Variants in GEN1 observed in about 807,000 individuals in gnomAD.
GEN1 encodes the protein GEN1 structure-specific endonuclease.
In GEN1, 64 loss-of-function variants were observed where a neutral mutation model predicts 67.6. That is an observed-to-expected ratio of 0.95 (90% CI 0.77 to 1.17). GEN1 has a LOEUF of 1.17. Among genes scored for constraint, GEN1 ranks in the 50% most tolerant of loss-of-function variants. GEN1 has a pLI of 0.00. For missense variants in GEN1, 1,058 were observed against 1,048.3 expected (o/e 1.01, Z -0.13); for synonymous variants, 371 against 359.4 (o/e 1.03, Z -0.37).
In GEN1 at chr2:17,774,363, G is replaced by A; in HGVS notation, c.1164G>A (p.Lys388=). Residue 388 remains lysine, a synonymous_variant, in exon 11 of 14, where the codon AAG becomes AAA. Coordinates refer to ENST00000381254, the MANE Select transcript of GEN1 (RefSeq NM_001130009.3). ...LLTHYDMIER[K]LGSRNSNQLQ... is the part of the protein sequence containing the mutation. ...CCCATTATGACATGATAGAAAGAAA[G>A]CTTGGTAGCAGAAACTCTAATCAAC... The A allele has an allele frequency of 1.2e-6, 2 of 1,605,848 alleles. No homozygotes were observed. The highest frequency in any genetic ancestry group is 8.5e-7 in the Non-Finnish European group (1 of 1,174,886).
At position 17,760,110 on chromosome 2, in the gene GEN1, G is replaced by C. The variant is rs1236953730; in HGVS notation, c.161+6G>C. ...GTCATGAAGCCCCACCTCAGGTATA[G>C]TAAAAGCTCTTACAGTATAAATGTA... On this transcript the variant is annotated splice_donor_region_variant and intron_variant, in intron 2 of 13. Transcript: ENST00000381254. The C allele has an allele frequency of 1.2e-6, 2 of 1,613,240 alleles. No homozygotes were observed. The highest frequency in any genetic ancestry group is 1.7e-6 in the Non-Finnish European group (2 of 1,179,616).
rs1671284732 is a variant in GEN1, at chr2:17,754,306, A to G, written c.-55A>G. On this transcript the variant is annotated 5_prime_UTR_variant, in exon 1 of 14. Transcript: ENST00000381254. ...ATTCAGGCCAAACTGGTAAATGACG[A>G]AGGGGCTTCTTCCAGAGCCAAGGAG... is the stretch of plus-strand genomic sequence containing the variant. 1 of 152,086 alleles carries G rather than the reference A, an allele frequency of 6.6e-6. No individual in the cohort carries two copies. Among genetic ancestry groups the G allele is most frequent in the Non-Finnish European group, 1.5e-5 (1 of 68,024 alleles). 9.4% of individuals were successfully genotyped at this position (152,086 alleles called of 1,614,324 possible). A position where few individuals can be genotyped will look rare whatever the true frequency, so the allele number is the denominator to read the frequency against.
In GEN1 at chr2:17,764,831, T is replaced by C. The variant is rs971305152; in HGVS notation, c.349-66T>C. The C allele has an allele frequency of 3.5e-6, 5 of 1,412,386 alleles. No individual in the cohort carries two copies. In the Admixed American group the frequency reaches 1.1e-4, roughly 30 times the overall value. The allele number at this position is 1,412,386 out of a possible 1,614,324, so 87.5% of individuals were successfully genotyped here. On this transcript the variant is annotated intron_variant, in intron 3 of 13. Coordinates refer to ENST00000381254, the MANE Select transcript of GEN1 (RefSeq NM_001130009.3). ...TTAATATTTGTAATACAGAAATAGG[T>C]TTAATAGTAAATAAATGAGCAGTGA...
intron 11 of GEN1, 46 bp downstream of exon 11, chr2:17,774,447 AT>A: frequency 6.8e-7 from 1 of 1,464,698 alleles, no homozygotes; most frequent in Non-Finnish European, 9.2e-7. Flanking sequence ...TTACTTGAGT[AT>A]TTTATAATTA....
rs1367521325 is a variant in GEN1 at position 17,782,785 on chromosome 2, T to C, written c.*846T>C. On this transcript the variant is annotated 3_prime_UTR_variant, in exon 14 of 14. Transcript: ENST00000381254. Reference sequence around the variant, plus strand: ...TGCTAATTTTTTTATTTTTCTATTTTTTCCTTCTATAGCACTTTTCCCCCT... The same window carrying C: ...TGCTAATTTTTTTATTTTTCTATTTCTTCCTTCTATAGCACTTTTCCCCCT... 6.6e-6 allele frequency: 1 copy of C among 152,190 alleles called. No individual in the cohort carries two copies. Among genetic ancestry groups the C allele is most frequent in the Admixed American group, 6.5e-5 (1 of 15,276 alleles). 9.4% of individuals were successfully genotyped at this position (152,190 alleles called of 1,614,324 possible).
chr2:17,780,025 A>G lies in GEN1; in HGVS notation c.1312A>G (p.Thr438Ala), dbSNP rs1672750557. ...DKQHGEFALL[T>A]IEEESLFEAA... ...ACAACATGGAGAATTTGCTTTATTAACAATTGAGGAAGAATCATTGTTTGA... is the reference window on the plus strand; with the variant it reads ...ACAACATGGAGAATTTGCTTTATTAGCAATTGAGGAAGAATCATTGTTTGA... Residue 438 changes from threonine to alanine, a missense_variant, in exon 13 of 14, where the codon ACA becomes GCA. Coordinates refer to ENST00000381254, the MANE Select transcript of GEN1 (RefSeq NM_001130009.3). 1 of 1,603,592 alleles carries G rather than the reference A, an allele frequency of 6.2e-7. No homozygotes were observed. The highest frequency in any genetic ancestry group is 8.5e-7 in the Non-Finnish European group (1 of 1,170,498).
intron 11 of GEN1, among the ~76,000 whole-genome samples, chr2:17,775,571 G>C (rs1672387074): frequency 6.6e-6 from 1 of 152,126 alleles, no homozygotes. Context: ...ATTTTAAAAA[G>C]TACCAAACCA....
rs769003156 is a variant in GEN1 at position 17,771,305 on chromosome 2, A to G, written c.802+18A>G. 7.0e-7 allele frequency: 1 copy of G among 1,429,404 alleles called. No individual in the cohort carries two copies. Among genetic ancestry groups the G allele is most frequent in the South Asian group, 1.1e-5 (1 of 87,332 alleles). The allele number at this position is 1,429,404 out of a possible 1,614,324, so 88.5% of individuals were successfully genotyped here. On this transcript the variant is annotated intron_variant, in intron 7 of 13. Coordinates refer to ENST00000381254, the MANE Select transcript of GEN1 (RefSeq NM_001130009.3). ...CCATCCAGGTAAGGAGACATAGGGA[A>G]TGGTTATTAGTATCTCATACCCATG...
chr2:17,763,760 C>T (rs764105261), intron 3 of GEN1, among the ~76,000 whole-genome samples: 1 of 152,202 alleles, frequency 6.6e-6, no homozygotes, highest in Non-Finnish European at 1.5e-5. Context: ...GTCGAAGCAA[C>T]ACTGTCACAA....
At position 17,778,375 on chromosome 2, in the gene GEN1, C is replaced by CATATGTGTGT. The variant is rs1672635118; in HGVS notation, c.1264+313_1264+314insTATGTGTGTA. On this transcript the variant is annotated intron_variant, in intron 12 of 13. Transcript: ENST00000381254. ...GTGTGTACATATATGTATATACACA[C>CATATGTGTGT]ACATATATGTGTGTACATATATGTA... 1.8e-4 allele frequency among the ~76,000 whole-genome samples: 6 copies of CATATGTGTGT among 33,250 alleles called. 2 individuals are homozygous for CATATGTGTGT. The highest frequency in any genetic ancestry group is 3.7e-4 in the African/African-American group (6 of 16,340). The allele number at this position is 33,250 out of a possible 152,430, so 21.8% of individuals were successfully genotyped here.
At chr2:17,773,006 CTTA>C (rs1672265695) in intron 8 of GEN1, 87 bp from the exon 9 acceptor site, 1 of 899,536 alleles carries the variant, frequency 1.1e-6, no homozygotes, top group Non-Finnish European at 1.8e-6. Flanking sequence ...ATTCACATTT[CTTA>C]TTAAATGGGA....
chr2:17,758,853 CAAAA>C (rs1164735428), intron 1 of GEN1, among the ~76,000 whole-genome samples: 7 of 87,354 alleles, frequency 8.0e-5, no homozygotes, highest in African/African-American at 1.3e-4. Context: ...GACCCTGTCT[CAAAA>C]AAAAAAAAAA....
rs527688230 is a variant in GEN1 at position 17,785,878 on chromosome 2, G to C, written c.*3939G>C. The C allele has an allele frequency of 6.6e-6, 1 of 151,726 alleles. No homozygotes were observed. The highest frequency in any genetic ancestry group is 2.4e-5 in the African/African-American group (1 of 41,310). The allele number at this position is 151,726 out of a possible 1,614,324, so 9.4% of individuals were successfully genotyped here. A position where few individuals can be genotyped will look rare whatever the true frequency, so the allele number is the denominator to read the frequency against. ...CACTGCACTTCACTCCAGGATGGGC[G>C]AAAAAGTGTCTAAAAAAAATTAAAA... On this transcript the variant is annotated 3_prime_UTR_variant, in exon 14 of 14. Coordinates refer to ENST00000381254, the MANE Select transcript of GEN1 (RefSeq NM_001130009.3).
At position 17,768,822 on chromosome 2, in the gene GEN1, A is replaced by G. The variant is rs763144594; in HGVS notation, c.710+11A>G. ...AAGTTTACTTCAGAGGTAACTAATA[A>G]TTACTTTCTCTTGTGACATTGAACC... is the stretch of plus-strand genomic sequence containing the variant. On this transcript the variant is annotated intron_variant, in intron 6 of 13. Coordinates refer to ENST00000381254, the MANE Select transcript of GEN1 (RefSeq NM_001130009.3). 2 of 1,502,292 alleles carry G rather than the reference A, an allele frequency of 1.3e-6. No homozygotes were observed. The highest frequency in any genetic ancestry group is 1.1e-5 in the South Asian group (1 of 87,956). The allele number at this position is 1,502,292 out of a possible 1,614,324, so 93.1% of individuals were successfully genotyped here.
chr2:17,783,798 T>TA lies in GEN1; in HGVS notation c.*1865dup, dbSNP rs1433814008. On this transcript the variant is annotated 3_prime_UTR_variant, in exon 14 of 14. Transcript: ENST00000381254. The stretch of plus-strand genomic sequence containing the variant: ...CTTCTGGATCTATTGGATATCTATG[T>TA]AAAAAAGAGTGACATTTGATTCCTA... 7.2e-5 allele frequency: 11 copies of TA among 152,334 alleles called. 1 individual carries two copies. In the South Asian group the frequency reaches 1.7e-3, roughly 23 times the overall value. The allele number at this position is 152,334 out of a possible 1,614,324, so 9.4% of individuals were successfully genotyped here.
chr2:17,757,018 T>C (rs1424860559), intron 1 of GEN1, among the ~76,000 whole-genome samples: 1 of 152,248 alleles, frequency 6.6e-6, no homozygotes, highest in Non-Finnish European at 1.5e-5. Context: ...GTTCTTAAAA[T>C]ATTATGATGT....
intron 1 of GEN1, among the ~76,000 whole-genome samples, chr2:17,756,478 TTGAG>T (rs1355648433): frequency 6.6e-6 from 1 of 151,728 alleles, no homozygotes; most frequent in Non-Finnish European, 1.5e-5. Context: ...TATAAAAGAT[TTGAG>T]TGGGAACTCA....
In GEN1 at chr2:17,785,569, G is replaced by A. The variant is rs1165497662; in HGVS notation, c.*3630G>A. The A allele has an allele frequency of 7.7e-6, 1 of 129,106 alleles. No homozygotes were observed. Among genetic ancestry groups the A allele is most frequent in the African/African-American group, 2.8e-5 (1 of 35,296 alleles). The allele number at this position is 129,106 out of a possible 1,614,324, so 8.0% of individuals were successfully genotyped here. A position where few individuals can be genotyped will look rare whatever the true frequency, so the allele number is the denominator to read the frequency against. ...TTTGTGTAATCAATCTTAAGTCCTTGGCGGTTTTTCTTTTAGATTTTTTTC... is the reference window on the plus strand; with the variant it reads ...TTTGTGTAATCAATCTTAAGTCCTTAGCGGTTTTTCTTTTAGATTTTTTTC... On this transcript the variant is annotated 3_prime_UTR_variant, in exon 14 of 14. Transcript: ENST00000381254.
In GEN1 at chr2:17,783,503, C is replaced by G. The variant is rs1035050305; in HGVS notation, c.*1564C>G. On this transcript the variant is annotated 3_prime_UTR_variant, in exon 14 of 14. Transcript: ENST00000381254. The stretch of plus-strand genomic sequence containing the variant: ...ATTCCAGCTGGTTTCTTTGCTGATT[C>G]TAAAATTCATATGGAAATTTCAGGA... 1.3e-5 allele frequency: 2 copies of G among 152,168 alleles called. No homozygotes were observed. Among genetic ancestry groups the G allele is most frequent in the African/African-American group, 2.4e-5 (1 of 41,422 alleles). The allele number at this position is 152,168 out of a possible 1,614,324, so 9.4% of individuals were successfully genotyped here.
Sources: allele counts gnomAD v4.1 joint callset (sites outside exome capture counted in the v4.1 genomes callset), GRCh38; gene constraint gnomAD v4.1.1; transcripts MANE v1.5; gene names NCBI Gene and HGNC (gene_info 2026-07-23, HGNC 2026-07-21).